SORCS1: variants seen among roughly 807,000 people sequenced by gnomAD.
SORCS1 encodes sortilin related VPS10 domain containing receptor 1.
SORCS1 carries 60 observed loss-of-function variants against 146.1 expected under a neutral mutation model. That is an observed-to-expected ratio of 0.41 (90% CI 0.33 to 0.51). The LOEUF (loss-of-function observed/expected upper bound fraction) is 0.51. Ranked by LOEUF, SORCS1 falls within the 20% of genes least tolerant of loss-of-function variation. The pLI, the probability that SORCS1 is intolerant of heterozygous loss-of-function variation, is 0.21. For missense variants in SORCS1, 1,352 were observed against 1,487.6 expected (o/e 0.91, Z 1.50); for synonymous variants, 637 against 584.0 (o/e 1.09, Z -1.31).
intron 1 of SORCS1, among the ~76,000 whole-genome samples, chr10:107,030,786 G>A (rs960947711): frequency 6.6e-6 from 1 of 152,090 alleles, no homozygotes; most frequent in Admixed American, 6.6e-5. Flanking sequence ...AAAGGGAAAT[G>A]GAAATAAAGA....
At chr10:106,824,935 A>G (rs1197478122) in intron 3 of SORCS1, among the ~76,000 whole-genome samples, 1 of 152,062 alleles carries the variant, frequency 6.6e-6, no homozygotes, top group Non-Finnish European at 1.5e-5. Flanking sequence ...GGGTGCAGAA[A>G]ACATAAAGAA....
At chr10:106,887,267 G>T (rs1951035968) in intron 2 of SORCS1, among the ~76,000 whole-genome samples, 1 of 152,108 alleles carries the variant, frequency 6.6e-6, no homozygotes, top group South Asian at 2.1e-4. Context: ...TTTAAAATAT[G>T]TTAATGAATA....
upstream of SORCS1, among the ~76,000 whole-genome samples, chr10:107,167,783 C>A (rs1590290432): frequency 6.6e-6 from 1 of 151,576 alleles, no homozygotes; most frequent in East Asian, 1.9e-4. Flanking sequence ...ACAATATAAA[C>A]ATATGTATAT....
intron 2 of SORCS1, among the ~76,000 whole-genome samples, chr10:106,913,090 G>A (rs1049607522): frequency 6.8e-6 from 1 of 146,500 alleles, no homozygotes. Flanking sequence ...AAAAAAAAAC[G>A]CAAGGCTTAC....
intron 1 of SORCS1, among the ~76,000 whole-genome samples, chr10:107,020,348 A>T (rs1484890548): frequency 6.6e-6 from 1 of 152,220 alleles, no homozygotes; most frequent in Non-Finnish European, 1.5e-5. Context: ...TTCAAATCTG[A>T]TACCCAAAAG....
At chr10:106,758,363 T>C (rs1858820422) in intron 5 of SORCS1, among the ~76,000 whole-genome samples, 2 of 152,224 alleles carry the variant, frequency 1.3e-5, no homozygotes. Context: ...GCCCATCCTT[T>C]CAATATTTTT....
At chr10:106,761,740 G>A (rs1180063481) in intron 4 of SORCS1, 79 bp from the exon 5 acceptor site, 13 of 1,183,436 alleles carry the variant, frequency 1.1e-5, no homozygotes, top group Non-Finnish European at 1.6e-5. Flanking sequence ...TGGATCAATA[G>A]TAATAATAAT....
chr10:107,045,686 A>C (rs1425156456), intron 1 of SORCS1, among the ~76,000 whole-genome samples: 1 of 152,170 alleles, frequency 6.6e-6, no homozygotes, highest in Non-Finnish European at 1.5e-5. Context: ...AAGTCAGGAA[A>C]AAAAATTTTA....
intron 17 of SORCS1, among the ~76,000 whole-genome samples, chr10:106,656,050 T>TTTGTACAA (rs1399202045): frequency 6.6e-6 from 1 of 152,202 alleles, no homozygotes; most frequent in Admixed American, 6.5e-5. Flanking sequence ...CAAGGGAGTC[T>TTTGTACAA]TTGTACAATT....
intron 1 of SORCS1, among the ~76,000 whole-genome samples, chr10:107,135,843 C>T (rs1421686539): frequency 6.6e-6 from 1 of 152,138 alleles, no homozygotes; most frequent in Non-Finnish European, 1.5e-5. Flanking sequence ...ATTAAAATCA[C>T]ATGTCCTTTC....
At chr10:106,793,371 G>A (rs901773825) in intron 3 of SORCS1, among the ~76,000 whole-genome samples, 1 of 152,146 alleles carries the variant, frequency 6.6e-6, no homozygotes, top group Non-Finnish European at 1.5e-5. Flanking sequence ...TTTGGCTAAA[G>A]TTAGGCAAAG....
chr10:106,898,941 G>A (rs962702365), intron 2 of SORCS1, among the ~76,000 whole-genome samples: 3 of 152,172 alleles, frequency 2.0e-5, no homozygotes, highest in Admixed American at 6.5e-5. Context: ...TCAGAATAGT[G>A]CTGGGTTTTG....
chr10:106,735,223 A>G (rs1460402673), intron 5 of SORCS1, among the ~76,000 whole-genome samples: 3 of 152,106 alleles, frequency 2.0e-5, no homozygotes, highest in Admixed American at 1.3e-4. Flanking sequence ...ATTGATTGTC[A>G]TAAGTCAATA....
chr10:106,697,008 G>C (rs563738472), intron 9 of SORCS1, among the ~76,000 whole-genome samples: 1 of 152,246 alleles, frequency 6.6e-6, no homozygotes, highest in Admixed American at 6.5e-5. Flanking sequence ...ATTAAGCTTG[G>C]GCAGTTGCTT....
Position 107,060,628 on chromosome 10 carries a change from C to CA in SORCS1, c.558+103340dup, listed in dbSNP as rs1961108257. On this transcript the variant is annotated intron_variant, in intron 1 of 25. Transcript: ENST00000263054. The surrounding 1 kb of genome is among the most constrained non-coding windows in gnomAD (Gnocchi z 4.1). ...GCTGCCCAATCTATATCTTTGCCAA[C>CA]AACCCTTTTCCCTTACTTTGTGATA... 1.3e-5 allele frequency among the ~76,000 whole-genome samples: 2 copies of CA among 152,186 alleles called. No individual in the cohort carries two copies. The highest frequency in any genetic ancestry group is 6.5e-5 in the Admixed American group (1 of 15,276).
At chr10:107,059,184 TA>T (rs1455972723) in intron 1 of SORCS1, among the ~76,000 whole-genome samples, 3 of 152,164 alleles carry the variant, frequency 2.0e-5, no homozygotes, top group Non-Finnish European at 4.4e-5. Context: ...CACTAGAACC[TA>T]GGGTTACAAG....
At chr10:106,973,689 A>T (rs1332337931) in intron 1 of SORCS1, among the ~76,000 whole-genome samples, 1 of 152,186 alleles carries the variant, frequency 6.6e-6, no homozygotes, top group Non-Finnish European at 1.5e-5. Flanking sequence ...TTCCCCCTTA[A>T]ATCGTCCAAG....
At chr10:107,082,074 A>T (rs1963371969) in intron 1 of SORCS1, among the ~76,000 whole-genome samples, 1 of 152,238 alleles carries the variant, frequency 6.6e-6, no homozygotes, top group South Asian at 2.1e-4. Context: ...TTAATTGTCC[A>T]ATTTGTTGTG....
At chr10:106,705,681 C>T (rs772843891) in intron 8 of SORCS1, among the ~76,000 whole-genome samples, 1 of 152,148 alleles carries the variant, frequency 6.6e-6, no homozygotes, top group Non-Finnish European at 1.5e-5. Context: ...ATTTACAGTT[C>T]CTAGTCACTT....
Sources: gnomAD v4.1 joint callset for allele counts (sites outside exome capture counted in the v4.1 genomes callset) on GRCh38, gnomAD v4.1.1 for gene constraint, Gnocchi (gnomAD v3.1) non-coding constraint, MANE v1.5 for transcripts, NCBI Gene and HGNC (gene_info 2026-07-23, HGNC 2026-07-21) for gene names.